RAP1GDS1: variants seen among roughly 807,000 people sequenced by gnomAD.
RAP1GDS1 encodes Rap1 GTPase-GDP dissociation stimulator 1, also known as RAP1, GTP-GDP dissociation stimulator 1.
A neutral mutation model predicts 71.1 loss-of-function variants in RAP1GDS1; 35 were observed. That is an observed-to-expected ratio of 0.49 (90% CI 0.38 to 0.65). RAP1GDS1 has a LOEUF of 0.65. RAP1GDS1 is among the 30% of genes least tolerant of loss of function. The probability of loss-of-function intolerance (pLI) is 0.00; values close to 1 mark genes in which losing one functional copy is unlikely to be tolerated. For missense variants in RAP1GDS1, 663 were observed against 706.1 expected, an observed-to-expected ratio of 0.94 and a Z score of 0.69; for synonymous variants, 229 against 243.1, an observed-to-expected ratio of 0.94 and a Z score of 0.54.
intron 3 of RAP1GDS1, among the ~76,000 whole-genome samples, chr4:98,343,905 T>G (rs1480017360): frequency 6.6e-6 from 1 of 152,232 alleles, no homozygotes; most frequent in Non-Finnish European, 1.5e-5. Flanking sequence ...AAGCAATGTT[T>G]AAGCATATAA....
At chr4:98,342,402 T>G (rs571946625) in intron 2 of RAP1GDS1, among the ~76,000 whole-genome samples, 1 of 152,164 alleles carries the variant, frequency 6.6e-6, no homozygotes, top group African/African-American at 2.4e-5. Context: ...TAATTTTATT[T>G]CTTTGAGCTT....
intron 12 of RAP1GDS1, among the ~76,000 whole-genome samples, chr4:98,430,609 C>A (rs2110211128): frequency 6.6e-6 from 1 of 152,298 alleles, no homozygotes; most frequent in East Asian, 1.9e-4. Flanking sequence ...AAAGAAACCT[C>A]TTTAATTTTA....
rs1224865951 is a variant in RAP1GDS1, at chr4:98,348,536, C to T, written c.236-3940C>T. On this transcript the variant is annotated intron_variant, in intron 3 of 14. Transcript: ENST00000408927. ...TTCTAGTTCTAGATCCTTGAGGAAT[C>T]GCCACACTGTCTTCCACAATGGTTG... Among the ~76,000 whole-genome samples, 7 of 152,264 alleles carry T rather than the reference C, an allele frequency of 4.6e-5. No homozygotes were observed. In the South Asian group the frequency reaches 1.5e-3, roughly 32 times the overall value.
chr4:98,331,024 G>A (rs1487758670), intron 2 of RAP1GDS1, among the ~76,000 whole-genome samples: 2 of 152,196 alleles, frequency 1.3e-5, no homozygotes, highest in African/African-American at 4.8e-5. Flanking sequence ...CACTGAGTGA[G>A]CGAGACTCCG....
intron 7 of RAP1GDS1, among the ~76,000 whole-genome samples, chr4:98,413,150 G>A (rs1428089800): frequency 6.6e-6 from 1 of 152,012 alleles, no homozygotes; most frequent in African/African-American, 2.4e-5. Context: ...AACCGCATAA[G>A]ACAGATACTC....
chr4:98,377,548 G>GT (rs1578650247), intron 4 of RAP1GDS1, among the ~76,000 whole-genome samples: 1 of 151,542 alleles, frequency 6.6e-6, no homozygotes, highest in Non-Finnish European at 1.5e-5. Flanking sequence ...GGATAAAACT[G>GT]TTTTGTTTCA....
chr4:98,297,091 T>C (rs1727895527), intron 2 of RAP1GDS1: 1 of 165,866 alleles, frequency 6.0e-6, no homozygotes, highest in East Asian at 1.8e-4. Context: ...AGTCACGTAA[T>C]TGTTTATTTT....
At chr4:98,331,299 C>T (rs993897993) in intron 2 of RAP1GDS1, among the ~76,000 whole-genome samples, 2 of 138,528 alleles carry the variant, frequency 1.4e-5, no homozygotes, top group African/African-American at 2.8e-5. Flanking sequence ...GAGACGGAGA[C>T]GAAGGAGAGG....
At chr4:98,382,376 A>C (rs1206036527) in intron 5 of RAP1GDS1, among the ~76,000 whole-genome samples, 1 of 151,610 alleles carries the variant, frequency 6.6e-6, no homozygotes, top group Non-Finnish European at 1.5e-5. Context: ...TGTTTTTCAC[A>C]TGGTGAAAAA....
At chr4:98,352,944 A>G (rs1188705930) in intron 4 of RAP1GDS1, among the ~76,000 whole-genome samples, 1 of 152,236 alleles carries the variant, frequency 6.6e-6, no homozygotes, top group African/African-American at 2.4e-5. Flanking sequence ...GGGAATGCTT[A>G]TGGACACAGT....
At chr4:98,333,390 T>C (rs938658946) in intron 2 of RAP1GDS1, among the ~76,000 whole-genome samples, 32 of 152,176 alleles carry the variant, frequency 2.1e-4, no homozygotes, top group African/African-American at 7.5e-4. Context: ...ATATCAGTAC[T>C]TTTATAGATG....
At position 98,329,901 on chromosome 4, in the gene RAP1GDS1, A is replaced by C. The variant is rs184109548; in HGVS notation, c.113-13238A>C. On this transcript the variant is annotated intron_variant, in intron 2 of 14. Coordinates refer to ENST00000408927, the MANE Select transcript of RAP1GDS1 (RefSeq NM_001100427.2). ...TGTGCACAAGTGACCAGATACATATATATTTCCTTATATTCTCCTCTTTTT... is the reference window on the plus strand; with the variant it reads ...TGTGCACAAGTGACCAGATACATATCTATTTCCTTATATTCTCCTCTTTTT... 2.9e-3 allele frequency among the ~76,000 whole-genome samples: 435 copies of C among 151,474 alleles called. 5 individuals carry two copies. The highest frequency in any genetic ancestry group is 3.9e-3 in the Non-Finnish European group (264 of 67,914).
At chr4:98,416,997 C>G (rs60544326) in intron 8 of RAP1GDS1, 109 bp downstream of exon 8, 25,275 of 1,240,654 alleles carry the variant, frequency 0.02, 1,275 homozygotes, top group African/African-American at 0.18. Flanking sequence ...TCCTATCTCA[C>G]CTGCTATTGA....
intron 1 of RAP1GDS1, among the ~76,000 whole-genome samples, chr4:98,279,195 G>T (rs1317956650): frequency 6.6e-6 from 1 of 152,030 alleles, no homozygotes; most frequent in Non-Finnish European, 1.5e-5. Flanking sequence ...CTGCACTCCA[G>T]CCTGGGCGAC....
intron 4 of RAP1GDS1, among the ~76,000 whole-genome samples, chr4:98,358,340 A>G (rs1447174556): frequency 6.6e-6 from 1 of 152,074 alleles, no homozygotes; most frequent in Non-Finnish European, 1.5e-5. Flanking sequence ...CTAATCTTCA[A>G]CAGAATCTGG....
At chr4:98,436,688 A>C (rs1751183839) in intron 13 of RAP1GDS1, among the ~76,000 whole-genome samples, 1 of 152,232 alleles carries the variant, frequency 6.6e-6, no homozygotes, top group Non-Finnish European at 1.5e-5. Context: ...CATAATAAAA[A>C]GTTTAATTGT....
intron 2 of RAP1GDS1, among the ~76,000 whole-genome samples, chr4:98,330,631 G>A (rs1158757532): frequency 1.2e-4 from 17 of 145,864 alleles, no homozygotes; most frequent in Middle Eastern, 7.2e-3. Context: ...ATGGGCGGCC[G>A]GGCAGAGACG....
chr4:98,349,526 G>A (rs375089136), intron 3 of RAP1GDS1, among the ~76,000 whole-genome samples: 1 of 152,236 alleles, frequency 6.6e-6, no homozygotes, highest in East Asian at 1.9e-4. Flanking sequence ...AGCTTGATGG[G>A]GATGGCATTG....
At chr4:98,429,270 AAAAG>A (rs1750064865) in intron 12 of RAP1GDS1, among the ~76,000 whole-genome samples, 2 of 151,724 alleles carry the variant, frequency 1.3e-5, no homozygotes, top group Admixed American at 6.6e-5. Flanking sequence ...AAAAAAAAAA[AAAAG>A]AAAAGAAACT....
Sources: allele counts gnomAD v4.1 joint callset (sites outside exome capture counted in the v4.1 genomes callset), GRCh38; gene constraint gnomAD v4.1.1; transcripts MANE v1.5; gene names NCBI Gene and HGNC (gene_info 2026-07-23, HGNC 2026-07-21).